Variants in TLE4 observed in about 807,000 individuals in gnomAD.
TLE4 encodes transducin-like enhancer protein 4.
A neutral mutation model predicts 92.8 loss-of-function variants in TLE4; 8 were observed. The observed-to-expected ratio is 0.09, with a 90% CI of 0.05 to 0.16. The LOEUF is 0.16. Among genes scored for constraint, TLE4 ranks in the 10% least tolerant of loss-of-function variants. The pLI is 1.00. For missense variants in TLE4, 675 were observed against 997.6 expected (o/e 0.68, Z 4.36); for synonymous variants, 371 against 374.1 (o/e 0.99, Z 0.10).
At chr9:79,707,138 A>T in intron 11 of TLE4, 1 of 1,613,022 alleles carries the variant, frequency 6.2e-7, no homozygotes, top group Non-Finnish European at 8.5e-7. Flanking sequence ...GGATATGGGG[A>T]AATTGAGTGA....
intron 8 of TLE4, among the ~76,000 whole-genome samples, chr9:79,658,242 G>A (rs935592071): frequency 4.6e-5 from 7 of 152,120 alleles, no homozygotes; most frequent in African/African-American, 9.7e-5. Context: ...CACACAATCC[G>A]CCAATATGGA....
At chr9:79,673,094 A>G (rs756521377) in intron 8 of TLE4, among the ~76,000 whole-genome samples, 2 of 152,226 alleles carry the variant, frequency 1.3e-5, no homozygotes, top group African/African-American at 4.8e-5. Context: ...AAACCCTGCT[A>G]TAAATTATGT....
At chr9:79,667,264 G>A (rs2061546149) in intron 8 of TLE4, among the ~76,000 whole-genome samples, 1 of 152,162 alleles carries the variant, frequency 6.6e-6, no homozygotes, top group African/African-American at 2.4e-5. Context: ...AAGGCTGTGT[G>A]TGGGCATGCC....
chr9:79,684,437 T>A (rs2065358272), intron 8 of TLE4, among the ~76,000 whole-genome samples: 1 of 152,120 alleles, frequency 6.6e-6, no homozygotes, highest in Admixed American at 6.6e-5. Flanking sequence ...CATTAGATTC[T>A]CATAGGCATG....
chr9:79,580,013 T>C (rs1019859274), intron 4 of TLE4: 4 of 152,170 alleles, frequency 2.6e-5, no homozygotes, highest in South Asian at 2.1e-4. Flanking sequence ...CAATAAGATA[T>C]TGATTTCTGA....
intron 8 of TLE4, among the ~76,000 whole-genome samples, chr9:79,679,071 G>A (rs974309851): frequency 1.1e-4 from 17 of 151,616 alleles, no homozygotes; most frequent in East Asian, 1.9e-4. Flanking sequence ...GAATAGTGCC[G>A]CAGTAAACAT....
intron 8 of TLE4, among the ~76,000 whole-genome samples, chr9:79,692,576 G>A (rs115673419): frequency 0.024 from 3,615 of 152,202 alleles, 149 homozygotes; most frequent in African/African-American, 0.081. Context: ...TTTGTTCGGG[G>A]TGCTATGATA....
Position 79,708,654 on chromosome 9 carries a change from G to A in TLE4, c.1131G>A (p.Val377=), listed in dbSNP as rs1200523224. The change falls in exon 13 of 20, where the codon GTG becomes GTA. Residue 377 remains valine, a synonymous_variant. Transcript: ENST00000376552. ...CATATCCAACTCCATTTGGGATTGT[G>A]CCCCATGCTGGAATGAACGGAGAGC... ...PCPYPTPFGI[V]PHAGMNGELT... is the part of the protein sequence containing the mutation. 1.2e-6 allele frequency: 2 copies of A among 1,614,070 alleles called. No individual in the cohort carries two copies. Among genetic ancestry groups the A allele is most frequent in the East Asian group, 2.2e-5 (1 of 44,860 alleles).
chr9:79,598,452 A>G (rs919196471), intron 4 of TLE4, among the ~76,000 whole-genome samples: 2 of 152,038 alleles, frequency 1.3e-5, no homozygotes, highest in African/African-American at 4.8e-5. Flanking sequence ...TTTGCTGGGA[A>G]TGGTCTTACC....
chr9:79,591,319 G>A (rs2042484039), intron 4 of TLE4, among the ~76,000 whole-genome samples: 1 of 152,168 alleles, frequency 6.6e-6, no homozygotes, highest in African/African-American at 2.4e-5. Context: ...AAAGGAAAGG[G>A]TAGGATTCCA....
At chr9:79,575,765 C>T (rs753080231) in intron 3 of TLE4, 32 of 171,386 alleles carry the variant, frequency 1.9e-4, no homozygotes, top group Non-Finnish European at 3.8e-4. Context: ...AAAACATCAG[C>T]GTTTGTATAA....
chr9:79,594,623 G>T (rs1385205885), intron 4 of TLE4, among the ~76,000 whole-genome samples: 1 of 152,062 alleles, frequency 6.6e-6, no homozygotes, highest in East Asian at 1.9e-4. Context: ...TGGCTGGTGG[G>T]TTGTTATATT....
In TLE4 at chr9:79,705,893, G is replaced by T; in HGVS notation, c.734G>T (p.Ser245Ile). Reference protein sequence around the residue: ...EEKEIAARYDSDGEKSDDNLV... With the variant: ...EEKEIAARYDIDGEKSDDNLV... ...GCTTCTCACTTGTCAATGCAGGACA[G>T]CGATGGTGAGAAAAGTGATGACAAC... The change falls in exon 10 of 20, where the codon AGC becomes ATC. Residue 245 changes from serine to isoleucine, a missense_variant. By Grantham distance (142) the Ser-to-Ile change is moderately radical. Transcript: ENST00000376552. 1 of 1,614,198 alleles carries T rather than the reference G, an allele frequency of 6.2e-7. No individual in the cohort carries two copies. Among genetic ancestry groups the T allele is most frequent in the Non-Finnish European group, 8.5e-7 (1 of 1,180,018 alleles).
intron 4 of TLE4, chr9:79,576,713 T>A (rs1281335327): frequency 1.3e-5 from 2 of 151,974 alleles, no homozygotes; most frequent in Non-Finnish European, 2.9e-5. Context: ...CTATAACCGT[T>A]ACTTCCAAAA....
chr9:79,705,159 G>C (rs2071164944), intron 9 of TLE4, among the ~76,000 whole-genome samples: 7 of 152,222 alleles, frequency 4.6e-5, no homozygotes, highest in Admixed American at 4.6e-4. Context: ...GTTTCTATAG[G>C]TGTATTTGCT....
intron 8 of TLE4, chr9:79,671,575 A>G (rs1564799379): frequency 4.1e-6 from 1 of 246,072 alleles, no homozygotes; most frequent in Non-Finnish European, 8.5e-6. Context: ...GCTGCTTTTC[A>G]TTATTTTACT....
chr9:79,585,011 G>C (rs1463613378), intron 4 of TLE4, among the ~76,000 whole-genome samples: 1 of 152,112 alleles, frequency 6.6e-6, no homozygotes, highest in East Asian at 1.9e-4. Flanking sequence ...AATGAATGTG[G>C]AGCAATATCG....
chr9:79,694,793 G>T (rs577515157), intron 8 of TLE4, among the ~76,000 whole-genome samples: 3 of 151,532 alleles, frequency 2.0e-5, no homozygotes, highest in African/African-American at 7.3e-5. Flanking sequence ...AAAAAAGCAG[G>T]GGGGAGGACT....
chr9:79,705,027 A>G, intron 9 of TLE4, 125 bp downstream of exon 9: 1 of 1,341,458 alleles, frequency 7.5e-7, no homozygotes, highest in Non-Finnish European at 1.0e-6. Context: ...GACAAAAAAC[A>G]TTTATTGTAT....
Sources: allele counts gnomAD v4.1 joint callset (sites outside exome capture counted in the v4.1 genomes callset), GRCh38; gene constraint gnomAD v4.1.1; transcripts MANE v1.5; gene names NCBI Gene and HGNC (gene_info 2026-07-23, HGNC 2026-07-21).